SUSD4: variants seen among roughly 807,000 people sequenced by gnomAD.
SUSD4 encodes sushi domain-containing protein 4.
A neutral mutation model predicts 50.5 loss-of-function variants in SUSD4; 41 were observed. The observed-to-expected ratio is 0.81, with a 90% CI of 0.63 to 1.05. SUSD4 has a LOEUF of 1.05. Among genes scored for constraint, SUSD4 ranks in the 50% least tolerant of loss-of-function variants. SUSD4 has a pLI of 0.00. For synonymous variants in SUSD4, 257 were observed against 257.3 expected, an observed-to-expected ratio of 1.00 and a Z score of 0.01; for missense variants, 580 against 634.7, an observed-to-expected ratio of 0.91 and a Z score of 0.93.
chr1:223,267,744 A>C (rs1415960533), intron 4 of SUSD4, among the ~76,000 whole-genome samples: 1 of 152,056 alleles, frequency 6.6e-6, no homozygotes, highest in East Asian at 1.9e-4. Flanking sequence ...CATTCATCTC[A>C]GCTTGAGCAC....
At chr1:223,296,059 G>C (rs1039661157) in intron 2 of SUSD4, among the ~76,000 whole-genome samples, 1 of 151,718 alleles carries the variant, frequency 6.6e-6, no homozygotes, top group African/African-American at 2.4e-5. Context: ...GGCTCTCTCT[G>C]TGTGGGGTGG....
At chr1:223,364,177 G>C (rs950628697), upstream of SUSD4, 2 of 151,706 alleles carry the variant, frequency 1.3e-5, no homozygotes, top group African/African-American at 4.8e-5. This position sits in a 1 kb window ranked among gnomAD's most constrained non-coding sequence, Gnocchi z 4.5. Context: ...CGGAAGCTTC[G>C]GCGGCGGCGC....
chr1:223,241,667 C>G lies in SUSD4; in HGVS notation c.725-12279G>C, dbSNP rs528115346. On this transcript the variant is annotated intron_variant, in intron 5 of 8. Transcript: ENST00000366878. ...CGCAGAACCAGAAACTGAAAGTCCC[C>G]CCAAAGGCTTTTCAAGGGGTTACTG... Among the ~76,000 whole-genome samples, 3 of 152,276 alleles carry G rather than the reference C, an allele frequency of 2.0e-5. No individual in the cohort carries two copies. In the East Asian group the frequency reaches 5.8e-4, roughly 29 times the overall value.
intron 2 of SUSD4, among the ~76,000 whole-genome samples, chr1:223,300,014 T>C (rs912976564): frequency 6.6e-6 from 1 of 152,198 alleles, no homozygotes; most frequent in Middle Eastern, 3.2e-3. Context: ...ACTTTACAAA[T>C]GTGAATGACA....
chr1:223,325,269 A>G (rs1287531882), intron 2 of SUSD4, among the ~76,000 whole-genome samples: 1 of 152,232 alleles, frequency 6.6e-6, no homozygotes, highest in East Asian at 1.9e-4. Flanking sequence ...TTTCCAAATA[A>G]TACCATCATT....
intron 3 of SUSD4, among the ~76,000 whole-genome samples, chr1:223,271,424 G>T (rs1662914248): frequency 6.6e-6 from 1 of 152,162 alleles, no homozygotes; most frequent in Non-Finnish European, 1.5e-5. Flanking sequence ...AAGACACAGG[G>T]TTAGAGGGAA....
chr1:223,263,811 T>C, intron 5 of SUSD4: 1 of 985,464 alleles, frequency 1.0e-6, no homozygotes, highest in Non-Finnish European at 1.2e-6. Context: ...CCATATTCCA[T>C]TGTTTTGCTT....
chr1:223,271,182 A>C (rs1205832925), intron 3 of SUSD4, among the ~76,000 whole-genome samples: 9 of 152,240 alleles, frequency 5.9e-5, no homozygotes, highest in Admixed American at 2.6e-4. Context: ...CTTGTTCAGC[A>C]ATTAGCTGGT....
At chr1:223,272,341 C>T (rs1662975115) in intron 3 of SUSD4, among the ~76,000 whole-genome samples, 1 of 152,172 alleles carries the variant, frequency 6.6e-6, no homozygotes. Context: ...CTTTCACCAG[C>T]CCAACACTGT....
At chr1:223,250,974 T>C (rs1661263181) in intron 5 of SUSD4, among the ~76,000 whole-genome samples, 1 of 152,116 alleles carries the variant, frequency 6.6e-6, no homozygotes, top group South Asian at 2.1e-4. Flanking sequence ...AGGGAGAGCA[T>C]GTGCAGTGGA....
chr1:223,240,401 C>T (rs1313653265), intron 5 of SUSD4, among the ~76,000 whole-genome samples: 1 of 151,874 alleles, frequency 6.6e-6, no homozygotes, highest in African/African-American at 2.4e-5. Flanking sequence ...TCTTTTCTTT[C>T]TCTCTTTCTG....
chr1:223,349,906 A>G (rs1668261269), intron 2 of SUSD4, among the ~76,000 whole-genome samples: 2 of 152,176 alleles, frequency 1.3e-5, no homozygotes, highest in Admixed American at 1.3e-4. Context: ...AACCCCCAAT[A>G]TGACTCTATT....
Position 223,278,653 on chromosome 1 carries a change from AC to A in SUSD4, c.362-9979del, listed in dbSNP as rs1308867813. Among the ~76,000 whole-genome samples, 3 of 152,222 alleles carry A rather than the reference AC, an allele frequency of 2.0e-5. No homozygotes were observed. The East Asian group carries it at 5.8e-4, about 29-fold the overall frequency. On this transcript the variant is annotated intron_variant, in intron 3 of 8. Coordinates refer to ENST00000366878, the MANE Select transcript of SUSD4 (RefSeq NM_017982.4). ...ACCTTTTGGGGCAGGGCATAGCTGA[AC>A]AAAAGGCAGCAGAAACCTCTGCAGA...
In SUSD4 at chr1:223,362,744, A is replaced by G. The variant is rs542452063; in HGVS notation, c.148+534T>C. ...CCCAACATACACATACATGCTGCACACACAGGGGAAGGGAAAGTTAACTTT... is the reference window on the plus strand; with the variant it reads ...CCCAACATACACATACATGCTGCACGCACAGGGGAAGGGAAAGTTAACTTT... On this transcript the variant is annotated intron_variant, in intron 2 of 8. Transcript: ENST00000366878. Among the ~76,000 whole-genome samples, 41 of 152,324 alleles carry G rather than the reference A, an allele frequency of 2.7e-4. No individual in the cohort carries two copies. The South Asian group carries it at 3.5e-3, about 13-fold the overall frequency.
chr1:223,320,776 C>A (rs1057073879), intron 2 of SUSD4, among the ~76,000 whole-genome samples: 4 of 152,178 alleles, frequency 2.6e-5, no homozygotes, highest in African/African-American at 7.2e-5. Flanking sequence ...CAGGAAGGGC[C>A]GTCCCAGGAC....
chr1:223,239,681 C>G (rs1660448827), intron 5 of SUSD4, among the ~76,000 whole-genome samples: 1 of 151,706 alleles, frequency 6.6e-6, no homozygotes, highest in African/African-American at 2.4e-5. Flanking sequence ...ATCCCTTGTA[C>G]CATTGCTGTC....
chr1:223,319,176 T>C (rs868343065), intron 2 of SUSD4, among the ~76,000 whole-genome samples: 14 of 78,040 alleles, frequency 1.8e-4, no homozygotes, highest in African/African-American at 4.7e-4. Flanking sequence ...AAGATTTAAA[T>C]GTTAGACCTA....
rs1659765207 is a variant in SUSD4, at chr1:223,229,694, T to TTAA, written c.725-309_725-307dup. ...TAATAGAGAGTATTAAGCTACTGTA[T>TTAA]TAATAATGCATGCTATTATGTGCCA... is the stretch of plus-strand genomic sequence containing the variant. On this transcript the variant is annotated intron_variant, in intron 5 of 8. Transcript: ENST00000366878. The surrounding 1 kb of genome is among the most constrained non-coding windows in gnomAD (Gnocchi z 4.7). Among the ~76,000 whole-genome samples, 2 of 152,226 alleles carry TTAA rather than the reference T, an allele frequency of 1.3e-5. No homozygotes were observed. The highest frequency in any genetic ancestry group is 4.8e-5 in the African/African-American group (2 of 41,462).
chr1:223,358,476 A>G (rs1668789666), intron 2 of SUSD4, among the ~76,000 whole-genome samples: 1 of 152,200 alleles, frequency 6.6e-6, no homozygotes, highest in Non-Finnish European at 1.5e-5. Flanking sequence ...TTTATACCAG[A>G]GTTTCCCATC....
Sources: allele counts gnomAD v4.1 joint callset (sites outside exome capture counted in the v4.1 genomes callset), GRCh38; gene constraint gnomAD v4.1.1; non-coding constraint Gnocchi (gnomAD v3.1); transcripts MANE v1.5; gene names NCBI Gene and HGNC (gene_info 2026-07-23, HGNC 2026-07-21).